The following ALPL variants were observed in gnomAD, a reference collection of about 807,000 sequenced individuals.
ALPL encodes alkaline phosphatase, tissue-nonspecific isozyme.
ALPL carries 42 observed loss-of-function variants against 51.3 expected under a neutral mutation model. The observed-to-expected ratio is 0.82, with a 90% CI of 0.64 to 1.06. The LOEUF (loss-of-function observed/expected upper bound fraction) is 1.06. Ranked by LOEUF, ALPL falls within the 50% of genes least tolerant of loss-of-function variation. ALPL has a pLI of 0.00. For synonymous variants in ALPL, 279 were observed against 296.4 expected (o/e 0.94, Z 0.60); for missense variants, 589 against 709.4 (o/e 0.83, Z 1.93).
chr1:21,564,350 A>T lies in ALPL; in HGVS notation c.648+134A>T. ...CACACACCTGGGAGGCTCCCAGCCC[A>T]TTAGGGGATTTGCGGTTGGGCAGGC... On this transcript the variant is annotated intron_variant, in intron 6 of 11. Coordinates refer to ENST00000374840, the MANE Select transcript of ALPL (RefSeq NM_000478.6). This position sits in a 1 kb window ranked among gnomAD's most constrained non-coding sequence, Gnocchi z 5.8. The T allele has an allele frequency of 8.5e-7, 1 of 1,176,808 alleles. No homozygotes were observed. 72.9% of individuals were successfully genotyped at this position (1,176,808 alleles called of 1,614,324 possible).
intron 4 of ALPL, 107 bp downstream of exon 4, chr1:21,561,319 A>G (rs1254301560): frequency 1.0e-6 from 1 of 965,642 alleles, no homozygotes; most frequent in East Asian, 2.6e-5. Context: ...AGCCCCCTCC[A>G]TGCCCAAGCC....
chr1:21,573,884 C>G, intron 9 of ALPL, 85 bp downstream of exon 9: 6 of 1,597,874 alleles, frequency 3.8e-6, no homozygotes, highest in African/African-American at 1.3e-5. Context: ...TTAAAGGGAA[C>G]TGACTGGTTT....
intron 2 of ALPL, among the ~76,000 whole-genome samples, chr1:21,557,249 G>A (rs17421553): frequency 0.031 from 4,750 of 152,260 alleles, 125 homozygotes; most frequent in Non-Finnish European, 0.049. Flanking sequence ...AGTTCCTCCC[G>A]CTTAGGGTCA....
intron 2 of ALPL, among the ~76,000 whole-genome samples, chr1:21,554,812 TCTG>T (rs1251999420): frequency 0.036 from 604 of 16,996 alleles, 2 homozygotes; most frequent in African/African-American, 0.062. Context: ...TGTCTGTCTG[TCTG>T]TCTTTCTTTC....
At position 21,577,817 on chromosome 1, in the gene ALPL, TC is replaced by T; in HGVS notation, c.*173del. The T allele has an allele frequency of 1.1e-6, 1 of 935,618 alleles. No individual in the cohort carries two copies. Among genetic ancestry groups the T allele is most frequent in the Non-Finnish European group, 1.6e-6 (1 of 640,942 alleles). 58.0% of individuals were successfully genotyped at this position (935,618 alleles called of 1,614,324 possible). A position where few individuals can be genotyped will look rare whatever the true frequency, so the allele number is the denominator to read the frequency against. ...CCCACCTCGCTCCCCTCTGGAATCT[TC>T]CCCAAGGGCCAAACCCACTTCTGGC... On this transcript the variant is annotated 3_prime_UTR_variant, in exon 12 of 12. Coordinates refer to ENST00000374840, the MANE Select transcript of ALPL (RefSeq NM_000478.6).
chr1:21,523,973 C>G (rs1388287523), intron 1 of ALPL, among the ~76,000 whole-genome samples: 2 of 151,354 alleles, frequency 1.3e-5, no homozygotes, highest in African/African-American at 4.9e-5. Context: ...TCTAACCTCC[C>G]CAAAGGGTAG....
chr1:21,573,099 G>T (rs1644672159), intron 8 of ALPL, among the ~76,000 whole-genome samples: 3 of 152,212 alleles, frequency 2.0e-5, no homozygotes, highest in African/African-American at 7.2e-5. Context: ...TGTGAAACGG[G>T]CATGGTGATC....
At chr1:21,524,759 T>C (rs1406771667) in intron 1 of ALPL, among the ~76,000 whole-genome samples, 1 of 152,198 alleles carries the variant, frequency 6.6e-6, no homozygotes, top group Non-Finnish European at 1.5e-5. Context: ...AGGAACAGAC[T>C]GTGTGACACT....
At chr1:21,556,866 G>C (rs1489289460) in intron 2 of ALPL, among the ~76,000 whole-genome samples, 1 of 152,152 alleles carries the variant, frequency 6.6e-6, no homozygotes, top group Non-Finnish European at 1.5e-5. Flanking sequence ...TTGAACCCAG[G>C]AGGCGGAGGT....
chr1:21,547,762 G>A (rs1644271876), intron 1 of ALPL, among the ~76,000 whole-genome samples: 1 of 152,204 alleles, frequency 6.6e-6, no homozygotes, highest in African/African-American at 2.4e-5. Flanking sequence ...ACAAAACGGG[G>A]GCTCTTCATC....
At chr1:21,533,251 C>T (rs1174047709) in intron 1 of ALPL, among the ~76,000 whole-genome samples, 2 of 152,074 alleles carry the variant, frequency 1.3e-5, no homozygotes, top group African/African-American at 4.8e-5. Context: ...GTGCTTTTTT[C>T]CTCTTCATAA....
At chr1:21,529,474 C>A (rs566260930) in intron 1 of ALPL, among the ~76,000 whole-genome samples, 6 of 152,240 alleles carry the variant, frequency 3.9e-5, no homozygotes, top group Middle Eastern at 3.4e-3. Flanking sequence ...CCTGGACCTT[C>A]CAAAGTGTTG....
At chr1:21,535,327 A>T (rs1000884362) in intron 1 of ALPL, among the ~76,000 whole-genome samples, 6 of 152,142 alleles carry the variant, frequency 3.9e-5, no homozygotes, top group Non-Finnish European at 8.8e-5. Flanking sequence ...ATAGGAGAGG[A>T]AAGTTTGGCT....
At chr1:21,536,978 C>T (rs1441421964) in intron 1 of ALPL, among the ~76,000 whole-genome samples, 1 of 147,830 alleles carries the variant, frequency 6.8e-6, no homozygotes, top group Non-Finnish European at 1.5e-5. Context: ...CTCACTACAA[C>T]CTCCACCTCC....
In ALPL at chr1:21,564,115, G is replaced by A. The variant is rs1644529037; in HGVS notation, c.547G>A (p.Asp183Asn). ...CAGCGCCGCCTACGCCCACTCGGCTGACCGGGACTGGTACTCAGACAACGA... is the reference window on the plus strand; with the variant it reads ...CAGCGCCGCCTACGCCCACTCGGCTAACCGGGACTGGTACTCAGACAACGA... ...TPSAAYAHSADRDWYSDNEMP... is the reference protein window; with the variant it reads ...TPSAAYAHSANRDWYSDNEMP... Residue 183 changes from aspartate to asparagine, a missense_variant, in exon 6 of 12, where the codon GAC becomes AAC. Physicochemically the swap from Asp to Asn is conservative, Grantham distance 23 (BLOSUM62 1). Coordinates refer to ENST00000374840, the MANE Select transcript of ALPL (RefSeq NM_000478.6). The surrounding 1 kb of genome is among the most constrained non-coding windows in gnomAD (Gnocchi z 5.8). 5 of 1,614,084 alleles carry A rather than the reference G, an allele frequency of 3.1e-6. No homozygotes were observed. Among genetic ancestry groups the A allele is most frequent in the Non-Finnish European group, 4.2e-6 (5 of 1,180,020 alleles).
intron 1 of ALPL, among the ~76,000 whole-genome samples, chr1:21,521,507 C>T (rs1452279252): frequency 2.0e-5 from 3 of 152,218 alleles, no homozygotes; most frequent in Non-Finnish European, 2.9e-5. Flanking sequence ...CTGCCCCACT[C>T]GGCAAGGGTT....
At chr1:21,529,992 C>G (rs1644006765) in intron 1 of ALPL, among the ~76,000 whole-genome samples, 1 of 152,138 alleles carries the variant, frequency 6.6e-6, no homozygotes, top group Admixed American at 6.5e-5. Context: ...CCAGGCTGGT[C>G]TCAAACTCTT....
chr1:21,573,568 G>A, intron 8 of ALPL, 97 bp from the exon 9 acceptor site: 2 of 1,491,760 alleles, frequency 1.3e-6, no homozygotes, highest in Admixed American at 1.9e-5. Flanking sequence ...GCTGGCTGTG[G>A]GGAGCCTGCA....
chr1:21,551,877 T>C (rs1430195420), intron 1 of ALPL, among the ~76,000 whole-genome samples: 26 of 151,612 alleles, frequency 1.7e-4, no homozygotes, highest in Non-Finnish European at 2.9e-4. Context: ...AGGCGCCCGC[T>C]ACCTCTCCCG....
Sources: allele counts gnomAD v4.1 joint callset (sites outside exome capture counted in the v4.1 genomes callset), GRCh38; gene constraint gnomAD v4.1.1; non-coding constraint Gnocchi (gnomAD v3.1); transcripts MANE v1.5; gene names NCBI Gene and HGNC (gene_info 2026-07-23, HGNC 2026-07-21).